Variants in DROSHA observed in about 807,000 individuals in gnomAD.
The protein encoded by DROSHA is drosha ribonuclease III, also known as ribonuclease 3.
DROSHA carries 56 observed loss-of-function variants against 181.9 expected under a neutral mutation model. The ratio of observed to expected loss-of-function variants is 0.31; its 90% CI spans 0.25 to 0.38. The LOEUF (loss-of-function observed/expected upper bound fraction) is 0.38, where lower values mean the gene tolerates loss of function less well. Among genes scored for constraint, DROSHA ranks in the 10% least tolerant of loss-of-function variants. The pLI is 1.00. For synonymous variants in DROSHA, 524 were observed against 591.2 expected (o/e 0.89, Z 1.65); for missense variants, 1,218 against 1,743.5 (o/e 0.70, Z 5.37).
intron 11 of DROSHA, among the ~76,000 whole-genome samples, 181 bp downstream of exon 11, chr5:31,504,374 C>T (rs1737660745): frequency 6.6e-6 from 1 of 152,142 alleles, no homozygotes; most frequent in South Asian, 2.1e-4. Flanking sequence ...TCCTTGAGAA[C>T]ATTCCCCACT....
At chr5:31,427,279 C>G (rs575873322) in intron 27 of DROSHA, among the ~76,000 whole-genome samples, 4 of 152,082 alleles carry the variant, frequency 2.6e-5, no homozygotes, top group Non-Finnish European at 5.9e-5. Flanking sequence ...GCTTTCTAAG[C>G]GGGCCATTAA....
chr5:31,515,631 A>G, intron 6 of DROSHA, 67 bp from the exon 7 acceptor site: 1 of 1,542,018 alleles, frequency 6.5e-7, no homozygotes, highest in South Asian at 1.2e-5. Context: ...AGCAATGAGA[A>G]TACCAGTTTT....
In DROSHA at chr5:31,431,628, A is replaced by G. The variant is rs1211393261; in HGVS notation, c.3093T>C (p.Cys1031=). 3.7e-6 allele frequency: 6 copies of G among 1,613,840 alleles called. No individual in the cohort carries two copies. In the Middle Eastern group the frequency reaches 4.9e-4, roughly 133 times the overall value. Residue 1031 remains cysteine, a synonymous_variant, in exon 26 of 36, where the codon TGT becomes TGC. Transcript: ENST00000344624. ...TTGCATGTCGAAGGTCCGATTCTCT[A>G]CAAAGGTCAGGCCCGTGAGCATACA... The part of the protein sequence containing the change: ...FMLYAHGPDL[C]RESDLRHAMA...
chr5:31,514,898 C>G lies in DROSHA; in HGVS notation c.1290+90G>C. 1 of 1,259,980 alleles carries G rather than the reference C, an allele frequency of 7.9e-7. No individual in the cohort carries two copies. The highest frequency in any genetic ancestry group is 1.1e-6 in the Non-Finnish European group (1 of 893,996). The allele number at this position is 1,259,980 out of a possible 1,614,324, so 78.1% of individuals were successfully genotyped here. A position where few individuals can be genotyped will look rare whatever the true frequency, so the allele number is the denominator to read the frequency against. On this transcript the variant is annotated intron_variant, in intron 8 of 35. Coordinates refer to ENST00000344624, the MANE Select transcript of DROSHA (RefSeq NM_001382508.1). This position sits in a 1 kb window ranked among gnomAD's most constrained non-coding sequence, Gnocchi z 4.4. ...CATCCTACAATGCATAGGGCAGTCC[C>G]CACAATCAAGAATTTATCCAGCCCC...
rs4867345 is a variant in DROSHA, at chr5:31,506,738, T to C, written c.1587+1883A>G. 0.021 allele frequency among the ~76,000 whole-genome samples: 3,225 copies of C among 151,502 alleles called. 185 individuals carry two copies. In the East Asian group the frequency reaches 0.22, roughly 10 times the overall value. Reference sequence around the variant, plus strand: ...AAAAAAAGTTATAACACACTCTTAATGCCAGTCATGACTTGTTGTGATGAA... The same window carrying C: ...AAAAAAAGTTATAACACACTCTTAACGCCAGTCATGACTTGTTGTGATGAA... On this transcript the variant is annotated intron_variant, in intron 10 of 35. Coordinates refer to ENST00000344624, the MANE Select transcript of DROSHA (RefSeq NM_001382508.1).
At chr5:31,458,556 A>G (rs6896679) in intron 20 of DROSHA, among the ~76,000 whole-genome samples, 2,525 of 152,314 alleles carry the variant, frequency 0.017, 25 homozygotes, top group Middle Eastern at 0.065. Context: ...CAATAATGTC[A>G]CGTACAAATA....
At chr5:31,465,667 C>T (rs496979) in intron 19 of DROSHA, among the ~76,000 whole-genome samples, 1 of 151,888 alleles carries the variant, frequency 6.6e-6, no homozygotes. Context: ...GAGGTTTTTG[C>T]GTCATGGGTG....
Position 31,433,171 on chromosome 5 carries a change from A to G in DROSHA, c.3043-1493T>C, listed in dbSNP as rs538630529. ...ATCTTAAATATCCATATTTATTCATATTGGAAAAACACAAAGACAATAAAA... is the reference window on the plus strand; with the variant it reads ...ATCTTAAATATCCATATTTATTCATGTTGGAAAAACACAAAGACAATAAAA... On this transcript the variant is annotated intron_variant, in intron 25 of 35. Coordinates refer to ENST00000344624, the MANE Select transcript of DROSHA (RefSeq NM_001382508.1). Among the ~76,000 whole-genome samples, 12 of 152,336 alleles carry G rather than the reference A, an allele frequency of 7.9e-5. No individual in the cohort carries two copies. In the East Asian group the frequency reaches 2.3e-3, roughly 29 times the overall value.
At chr5:31,451,286 C>T (rs28550343) in intron 21 of DROSHA, among the ~76,000 whole-genome samples, 3,067 of 152,176 alleles carry the variant, frequency 0.02, 96 homozygotes, top group African/African-American at 0.07. Flanking sequence ...GAGGAAAAGT[C>T]GGAATAAGGT....
intron 5 of DROSHA, among the ~76,000 whole-genome samples, chr5:31,525,206 C>A (rs2150063240): frequency 6.6e-6 from 1 of 151,966 alleles, no homozygotes; most frequent in Admixed American, 6.6e-5. Flanking sequence ...TGGTGCACGC[C>A]TGTAATCCCA....
intron 33 of DROSHA, among the ~76,000 whole-genome samples, chr5:31,408,168 T>C (rs536707970): frequency 1.3e-5 from 2 of 152,210 alleles, no homozygotes; most frequent in South Asian, 4.2e-4. Context: ...CAGTCTAATG[T>C]TTTTCCTTGT....
At chr5:31,521,096 T>C (rs770524040) in intron 6 of DROSHA, 27 bp downstream of exon 6, 2 of 1,609,322 alleles carry the variant, frequency 1.2e-6, no homozygotes. Flanking sequence ...ATCCTATGAC[T>C]TCTTTCAGTG....
intron 10 of DROSHA, chr5:31,505,694 A>C (rs569064024): frequency 1.5e-4 from 23 of 152,224 alleles, no homozygotes; most frequent in Non-Finnish European, 2.5e-4. Flanking sequence ...GGCTGGTCAG[A>C]GTGTAATGGA....
rs775775322 is a variant in DROSHA, at chr5:31,431,663, G to A, written c.3058C>T (p.Arg1020Ter). 1 of 1,613,708 alleles carries A rather than the reference G, an allele frequency of 6.2e-7. No homozygotes were observed. Among genetic ancestry groups the A allele is most frequent in the Non-Finnish European group, 8.5e-7 (1 of 1,179,770 alleles). ...AMLAKKLELD[R>*]FMLYAHGPDL... ...GGCCCGTGAGCATACAGCATAAATCGATCCAGTTCAAGTTTCTACAAAATT... is the reference window on the plus strand; with the variant it reads ...GGCCCGTGAGCATACAGCATAAATCAATCCAGTTCAAGTTTCTACAAAATT... The change falls in exon 26 of 36, where the codon CGA (arginine) becomes TGA (stop). Residue 1020 changes from arginine (R) to a stop codon, truncating the protein, a stop_gained. Transcript: ENST00000344624. LOFTEE classifies it high-confidence loss of function.
intron 18 of DROSHA, 98 bp from the exon 19 acceptor site, chr5:31,466,379 T>C (rs1252174960): frequency 2.1e-6 from 2 of 956,862 alleles, no homozygotes; most frequent in East Asian, 2.5e-5. Flanking sequence ...AATCATACAT[T>C]ACATTCTTTT....
intron 27 of DROSHA, among the ~76,000 whole-genome samples, chr5:31,425,524 T>C (rs1743354290): frequency 6.6e-6 from 1 of 152,140 alleles, no homozygotes; most frequent in Admixed American, 6.6e-5. Flanking sequence ...TAAGTGGACA[T>C]TTATCAAACT....
At chr5:31,485,111 G>T (rs1463367217) in intron 14 of DROSHA, 149 bp from the exon 15 acceptor site, 1 of 549,398 alleles carries the variant, frequency 1.8e-6, no homozygotes, top group Non-Finnish European at 3.2e-6. Context: ...GCCACTGATC[G>T]CTAGTTTCAG....
chr5:31,526,000 T>C, intron 5 of DROSHA, 79 bp downstream of exon 5: 4 of 1,378,492 alleles, frequency 2.9e-6, no homozygotes, highest in East Asian at 2.3e-5. Context: ...TGGATCCTTT[T>C]GGTTTGGTTG....
At chr5:31,528,477 T>C (rs928235292) in intron 4 of DROSHA, among the ~76,000 whole-genome samples, 1 of 152,054 alleles carries the variant, frequency 6.6e-6, no homozygotes, top group Non-Finnish European at 1.5e-5. Flanking sequence ...ATCTGACTTG[T>C]CCTCCCTCAC....
Sources: gnomAD v4.1 joint callset for allele counts (sites outside exome capture counted in the v4.1 genomes callset) on GRCh38, gnomAD v4.1.1 for gene constraint, Gnocchi (gnomAD v3.1) non-coding constraint, MANE v1.5 for transcripts, NCBI Gene and HGNC (gene_info 2026-07-23, HGNC 2026-07-21) for gene names.